The following KIAA2012 variants were observed in gnomAD, a reference collection of about 807,000 sequenced individuals.
KIAA2012 encodes the protein KIAA2012, also known as uncharacterized protein KIAA2012.
KIAA2012 carries 125 observed loss-of-function variants against 150.6 expected under a neutral mutation model. That is an observed-to-expected ratio of 0.83 (90% CI 0.72 to 0.96). The LOEUF (loss-of-function observed/expected upper bound fraction) is 0.96. Ranked by LOEUF, KIAA2012 falls within the 40% of genes least tolerant of loss-of-function variation. The pLI, the probability that KIAA2012 is intolerant of heterozygous loss-of-function variation, is 0.00. For synonymous variants in KIAA2012, 462 were observed against 504.7 expected, an observed-to-expected ratio of 0.92 and a Z score of 1.13; for missense variants, 1,219 against 1,354.9, an observed-to-expected ratio of 0.90 and a Z score of 1.57.
intron 1 of KIAA2012, 39 bp from the exon 2 acceptor site, chr2:202,074,852 C>A (rs1689286471): frequency 6.6e-7 from 1 of 1,510,196 alleles, no homozygotes; most frequent in East Asian, 2.5e-5. Context: ...GAAAGGTCTT[C>A]CACAGTGGCT....
rs901421461 is a variant in KIAA2012, at chr2:202,104,125, C to T, written c.1324+1011C>T. 6.6e-6 allele frequency among the ~76,000 whole-genome samples: 1 copy of T among 152,068 alleles called. No individual in the cohort carries two copies. Among genetic ancestry groups the T allele is most frequent in the African/African-American group, 2.4e-5 (1 of 41,392 alleles). On this transcript the variant is annotated intron_variant, in intron 8 of 23. Transcript: ENST00000498697. The surrounding 1 kb of genome is among the most constrained non-coding windows in gnomAD (Gnocchi z 4.3). Reference sequence around the variant, plus strand: ...AGCTTAAAAGACCAATGGAAGGGGACATGAAGGAACTTTCTGGGGTGATGA... The same window carrying T: ...AGCTTAAAAGACCAATGGAAGGGGATATGAAGGAACTTTCTGGGGTGATGA...
At position 202,084,400 on chromosome 2, in the gene KIAA2012, T is replaced by C. The variant is rs188311062; in HGVS notation, c.370-6370T>C. ...GACAGTTACACAGGAGTCCCCTTCA[T>C]GCCTCTGCATTCAGAGACCTCATAT... On this transcript the variant is annotated intron_variant, in intron 2 of 23. Coordinates refer to ENST00000498697, the MANE Select transcript of KIAA2012 (RefSeq NM_001277372.4). Among the ~76,000 whole-genome samples, 5 of 152,314 alleles carry C rather than the reference T, an allele frequency of 3.3e-5. No individual in the cohort carries two copies. In the East Asian group the frequency reaches 7.7e-4, roughly 24 times the overall value.
chr2:202,114,852 T>C (rs1690474802), intron 11 of KIAA2012: 1 of 166,382 alleles, frequency 6.0e-6, no homozygotes, highest in Non-Finnish European at 1.5e-5. Flanking sequence ...TATTTAATCC[T>C]ACTTGCCTCT....
chr2:202,199,994 A>AGG (rs1692486389), intron 22 of KIAA2012, among the ~76,000 whole-genome samples: 1 of 127,954 alleles, frequency 7.8e-6, no homozygotes, highest in East Asian at 2.3e-4. Context: ...GCAGTGGCGC[A>AGG]ATCTTGGCTC....
intron 12 of KIAA2012, chr2:202,137,616 C>G (rs1484621225): frequency 6.6e-6 from 1 of 152,110 alleles, no homozygotes; most frequent in Non-Finnish European, 1.5e-5. Flanking sequence ...CGCACCTGAC[C>G]AAATTTACTT....
intron 14 of KIAA2012, 55 bp downstream of exon 14, chr2:202,154,865 A>C: frequency 3.3e-6 from 5 of 1,506,938 alleles, no homozygotes; most frequent in Non-Finnish European, 4.4e-6. Context: ...CAGGAATTCC[A>C]GTTAATACAC....
chr2:202,156,128 A>C (rs1297749508), intron 14 of KIAA2012, among the ~76,000 whole-genome samples: 3 of 152,104 alleles, frequency 2.0e-5, no homozygotes, highest in Non-Finnish European at 2.9e-5. Context: ...CAGCAGTTCA[A>C]GGATGTAGTG....
In KIAA2012 at chr2:202,105,674, C is replaced by T. The variant is rs992635494; in HGVS notation, c.1325-87C>T. 8.1e-6 allele frequency: 12 copies of T among 1,478,814 alleles called. No individual in the cohort carries two copies. The African/African-American group carries it at 1.7e-4, about 21-fold the overall frequency. The allele number at this position is 1,478,814 out of a possible 1,614,324, so 91.6% of individuals were successfully genotyped here. The stretch of plus-strand genomic sequence containing the variant: ...CTCCAACCAAACCACATGGTGTGAG[C>T]AGGGAAGGGATAGGTCCCCAAAAGA... On this transcript the variant is annotated intron_variant, in intron 8 of 23. Coordinates refer to ENST00000498697, the MANE Select transcript of KIAA2012 (RefSeq NM_001277372.4).
At chr2:202,182,236 C>T (rs141893539) in intron 15 of KIAA2012, among the ~76,000 whole-genome samples, 5,550 of 151,472 alleles carry the variant, frequency 0.037, 140 homozygotes, top group Middle Eastern at 0.058. Flanking sequence ...CTCAGCCTCC[C>T]GAGTAGCTGG....
At chr2:202,075,903 T>G (rs1689313899) in intron 2 of KIAA2012, among the ~76,000 whole-genome samples, 1 of 152,274 alleles carries the variant, frequency 6.6e-6, no homozygotes, top group Non-Finnish European at 1.5e-5. Flanking sequence ...GCTTCTTCTA[T>G]CAGGCCTTTC....
At chr2:202,191,094 TA>T in intron 19 of KIAA2012, among the ~76,000 whole-genome samples, 1 of 152,022 alleles carries the variant, frequency 6.6e-6, no homozygotes, top group Middle Eastern at 3.4e-3. Context: ...CTGGCCAACA[TA>T]GGGAAAGCCC....
chr2:202,150,448 GTTTTT>G (rs1691400910), intron 13 of KIAA2012, among the ~76,000 whole-genome samples: 1 of 138,624 alleles, frequency 7.2e-6, no homozygotes, highest in African/African-American at 2.5e-5. Context: ...TTTGTTTTTT[GTTTTT>G]TGTGTTTTTT....
chr2:202,148,056 A>G (rs1375997853), intron 13 of KIAA2012, among the ~76,000 whole-genome samples: 1 of 152,208 alleles, frequency 6.6e-6, no homozygotes, highest in Non-Finnish European at 1.5e-5. Context: ...TGTTGTATCA[A>G]CAAAGCACGT....
intron 14 of KIAA2012, among the ~76,000 whole-genome samples, chr2:202,162,446 T>C (rs926672109): frequency 6.6e-5 from 10 of 152,104 alleles, no homozygotes; most frequent in African/African-American, 2.4e-4. Flanking sequence ...GGCTAATTTT[T>C]GTATTTTTAG....
chr2:202,193,176 C>A, intron 19 of KIAA2012, 125 bp from the exon 20 acceptor site: 1 of 970,868 alleles, frequency 1.0e-6, no homozygotes, highest in Non-Finnish European at 1.5e-6. Flanking sequence ...CAGCTGTGGG[C>A]AAAGTGTGGA....
At chr2:202,111,597 G>T (rs923096145) in intron 10 of KIAA2012, among the ~76,000 whole-genome samples, 3 of 151,434 alleles carry the variant, frequency 2.0e-5, no homozygotes, top group Non-Finnish European at 4.4e-5. Flanking sequence ...AAGTATGTGT[G>T]TTGGGTGTGT....
intron 22 of KIAA2012, among the ~76,000 whole-genome samples, chr2:202,198,174 C>CAAA (rs1009971980): frequency 0.014 from 921 of 66,676 alleles, 24 homozygotes; most frequent in Non-Finnish European, 0.018. Context: ...GGCTCTTTCT[C>CAAA]AAAAAAAAAA....
intron 7 of KIAA2012, among the ~76,000 whole-genome samples, chr2:202,101,304 T>C (rs1690038047): frequency 1.3e-5 from 2 of 152,224 alleles, no homozygotes; most frequent in Non-Finnish European, 2.9e-5. Context: ...TTGTTTACAG[T>C]CTGTTCAAGA....
intron 14 of KIAA2012, 48 bp downstream of exon 14, chr2:202,154,858 G>T: frequency 6.6e-7 from 1 of 1,514,512 alleles, no homozygotes; most frequent in Non-Finnish European, 8.8e-7. Context: ...ACAAACACAG[G>T]AATTCCAGTT....
Sources: allele counts gnomAD v4.1 joint callset (sites outside exome capture counted in the v4.1 genomes callset), GRCh38; gene constraint gnomAD v4.1.1; non-coding constraint Gnocchi (gnomAD v3.1); transcripts MANE v1.5; gene names NCBI Gene and HGNC (gene_info 2026-07-23, HGNC 2026-07-21).